The following RGS6 variants were observed in gnomAD, a reference collection of about 807,000 sequenced individuals.
The protein encoded by RGS6 is regulator of G protein signaling 6, also known as regulator of G-protein signaling 6.
In RGS6, 30 loss-of-function variants were observed where a neutral mutation model predicts 78.5. The observed-to-expected ratio is 0.38, with a 90% CI of 0.29 to 0.52. The LOEUF (loss-of-function observed/expected upper bound fraction) is 0.52. Ranked by LOEUF, RGS6 falls within the 20% of genes least tolerant of loss-of-function variation. The pLI is 0.85. For synonymous variants in RGS6, 206 were observed against 206.0 expected, an observed-to-expected ratio of 1.00 and a Z score of 0.00; for missense variants, 495 against 609.7, an observed-to-expected ratio of 0.81 and a Z score of 1.98.
At chr14:72,202,326 G>A (rs1010408632) in intron 2 of RGS6, among the ~76,000 whole-genome samples, 2 of 152,160 alleles carry the variant, frequency 1.3e-5, no homozygotes, top group African/African-American at 4.8e-5. Flanking sequence ...GAATCTCTTA[G>A]GAAGAGGAGT....
At chr14:72,334,469 C>A (rs934509262) in intron 2 of RGS6, among the ~76,000 whole-genome samples, 4 of 152,218 alleles carry the variant, frequency 2.6e-5, no homozygotes, top group Non-Finnish European at 4.4e-5. Flanking sequence ...ACCCCTCCCC[C>A]ATGAAACCAT....
intron 2 of RGS6, among the ~76,000 whole-genome samples, chr14:72,334,129 G>C (rs2075581159): frequency 6.6e-6 from 1 of 152,214 alleles, no homozygotes; most frequent in Non-Finnish European, 1.5e-5. Context: ...TATAATTGCT[G>C]TCCAGAAAGA....
intron 2 of RGS6, among the ~76,000 whole-genome samples, chr14:72,122,461 A>G (rs151227877): frequency 1.5e-3 from 232 of 152,300 alleles, no homozygotes; most frequent in African/African-American, 5.3e-3. Flanking sequence ...CACAGCCAGT[A>G]TGTTTTGGAG....
intron 17 of RGS6, among the ~76,000 whole-genome samples, chr14:72,548,580 A>T (rs2283373): frequency 0.16 from 24,642 of 152,234 alleles, 2,202 homozygotes; most frequent in South Asian, 0.27. Context: ...GCTCTAAGCA[A>T]TATTAAGTCT....
At chr14:72,047,292 A>G (rs1294313340) in intron 2 of RGS6, among the ~76,000 whole-genome samples, 1 of 152,172 alleles carries the variant, frequency 6.6e-6, no homozygotes, top group Non-Finnish European at 1.5e-5. Flanking sequence ...AATAATAGAA[A>G]TGGTTATTAT....
In RGS6 at chr14:72,383,203, T is replaced by TAC. The variant is rs1315647241; in HGVS notation, c.184+31010_184+31011insCA. 4.7e-3 allele frequency among the ~76,000 whole-genome samples: 554 copies of TAC among 116,930 alleles called. 14 individuals are homozygous for TAC. Among genetic ancestry groups the TAC allele is most frequent in the African/African-American group, 0.019 (523 of 27,038 alleles). 76.7% of individuals were successfully genotyped at this position (116,930 alleles called of 152,430 possible). Reference sequence around the variant, plus strand: ...ATATATATATATATATATATATATATATATATATATACACACAAACACACT... The same window carrying TAC: ...ATATATATATATATATATATATATATACATATATATATACACACAAACACACT... On this transcript the variant is annotated intron_variant, in intron 3 of 17. Transcript: ENST00000553525.
chr14:72,286,222 G>A (rs1567666220), intron 2 of RGS6, among the ~76,000 whole-genome samples: 1 of 152,182 alleles, frequency 6.6e-6, no homozygotes, highest in African/African-American at 2.4e-5. Context: ...TCATTCTTTT[G>A]CATATAAGTA....
intron 3 of RGS6, among the ~76,000 whole-genome samples, chr14:72,380,104 A>G (rs1019365994): frequency 1.3e-5 from 2 of 152,046 alleles, no homozygotes; most frequent in African/African-American, 2.4e-5. Context: ...TCCCCAAAAA[A>G]TCAGATATCC....
At chr14:72,613,834 C>T in the RGS6 span, among the ~76,000 whole-genome samples, 3 of 152,198 alleles carry the variant, frequency 2.0e-5, no homozygotes, top group Non-Finnish European at 4.4e-5. Flanking sequence ...AGGGGGCGCC[C>T]GCCGCACAGC....
At chr14:72,098,104 T>C (rs2095446727) in intron 2 of RGS6, among the ~76,000 whole-genome samples, 1 of 152,164 alleles carries the variant, frequency 6.6e-6, no homozygotes, top group South Asian at 2.1e-4. Context: ...TATAATATCC[T>C]GACATAGCTG....
intron 2 of RGS6, among the ~76,000 whole-genome samples, chr14:72,027,135 G>T (rs1459148085): frequency 6.6e-6 from 1 of 152,096 alleles, no homozygotes; most frequent in African/African-American, 2.4e-5. Context: ...GTGGGTCATG[G>T]CATGGTCAGG....
chr14:71,921,414 A>G, the RGS6 span, among the ~76,000 whole-genome samples: 481 of 152,376 alleles, frequency 3.2e-3, 1 homozygote, highest in African/African-American at 0.011. Context: ...AGAGATAGCT[A>G]TGCTCCCATG....
intron 2 of RGS6, among the ~76,000 whole-genome samples, chr14:72,021,343 G>A (rs977261961): frequency 5.3e-5 from 8 of 151,924 alleles, no homozygotes; most frequent in African/African-American, 9.7e-5. Flanking sequence ...CCCATCTGTG[G>A]CCACCAAAGC....
intron 3 of RGS6, among the ~76,000 whole-genome samples, chr14:72,377,336 G>C (rs1006455199): frequency 6.6e-6 from 1 of 152,098 alleles, no homozygotes; most frequent in Non-Finnish European, 1.5e-5. Flanking sequence ...GATTAATTCA[G>C]CAAGAGAATA....
At chr14:72,469,001 C>T (rs1260651732) in intron 7 of RGS6, among the ~76,000 whole-genome samples, 1 of 152,142 alleles carries the variant, frequency 6.6e-6, no homozygotes, top group Non-Finnish European at 1.5e-5. Context: ...GGGCTCCGGC[C>T]TTGCATTCAT....
At chr14:72,464,943 G>A (rs1288001893) in intron 6 of RGS6, among the ~76,000 whole-genome samples, 2 of 152,212 alleles carry the variant, frequency 1.3e-5, no homozygotes, top group Non-Finnish European at 2.9e-5. Flanking sequence ...GCAGGGGACA[G>A]TCTAGTAAAT....
At chr14:72,203,237 T>C (rs1161944506) in intron 2 of RGS6, among the ~76,000 whole-genome samples, 1 of 152,194 alleles carries the variant, frequency 6.6e-6, no homozygotes, top group African/African-American at 2.4e-5. Context: ...GTCTCTAAGA[T>C]AGCATCTATC....
At chr14:72,459,497 G>A (rs2095718875) in intron 5 of RGS6, 135 bp from the exon 6 acceptor site, 6 of 762,418 alleles carry the variant, frequency 7.9e-6, no homozygotes, top group African/African-American at 6.9e-5. Flanking sequence ...TTAGAGAAGA[G>A]GAGAGAATTG....
At chr14:72,371,014 T>G (rs1331384577) in intron 3 of RGS6, among the ~76,000 whole-genome samples, 1 of 152,210 alleles carries the variant, frequency 6.6e-6, no homozygotes, top group Non-Finnish European at 1.5e-5. Context: ...CAAAGAGCAT[T>G]TCCAAAAACA....
Sources: gnomAD v4.1 joint callset for allele counts (sites outside exome capture counted in the v4.1 genomes callset) on GRCh38, gnomAD v4.1.1 for gene constraint, MANE v1.5 for transcripts, NCBI Gene and HGNC (gene_info 2026-07-23, HGNC 2026-07-21) for gene names.